Variants in MAP4K1 observed in about 807,000 individuals in gnomAD.
MAP4K1 encodes the protein MAPK/ERK kinase kinase kinase 1.
A neutral mutation model predicts 122.8 loss-of-function variants in MAP4K1; 35 were observed. That is an observed-to-expected ratio of 0.29 (90% CI 0.22 to 0.38). The LOEUF is 0.38. Among genes scored for constraint, MAP4K1 ranks in the 10% least tolerant of loss-of-function variants. MAP4K1 has a pLI of 1.00. For synonymous variants in MAP4K1, 412 were observed against 421.3 expected (o/e 0.98, Z 0.27); for missense variants, 791 against 1,072.6 (o/e 0.74, Z 3.67).
intron 19 of MAP4K1, among the ~76,000 whole-genome samples, chr19:38,603,367 CAT>C (rs1306889057): frequency 1.6e-4 from 24 of 150,308 alleles, no homozygotes; most frequent in East Asian, 6.0e-4. Context: ...TATATACACA[CAT>C]ATACATATAT....
chr19:38,610,614 G>A (rs1975469304), intron 11 of MAP4K1, among the ~76,000 whole-genome samples: 1 of 152,054 alleles, frequency 6.6e-6, no homozygotes, highest in Non-Finnish European at 1.5e-5. Flanking sequence ...TCAAACTCCT[G>A]ACCTCAAGTG....
chr19:38,611,130 G>A lies in MAP4K1; in HGVS notation c.731C>T (p.Ser244Leu), dbSNP rs1198038848. Reference sequence around the variant, plus strand: ...TTTGATGAAGTTGTGGAAGGCAGCCGACCTTGGGAAGAAGAAGCCAGGTTC... The same window carrying A: ...TTTGATGAAGTTGTGGAAGGCAGCCAACCTTGGGAAGAAGAAGCCAGGTTC... ...PPRLKEKGKWSAAFHNFIKVT... is the reference protein window; with the variant it reads ...PPRLKEKGKWLAAFHNFIKVT... The change falls in exon 11 of 31, where the codon TCG (serine) becomes TTG (leucine). Residue 244 changes from serine to leucine, a missense_variant and splice_region_variant. By Grantham distance (145) the Ser-to-Leu change is moderately radical. Around this residue, in one of 4 missense-constraint regions of MAP4K1, gnomAD observed 303 missense variants for 344.8 expected, o/e 0.88. Coordinates refer to ENST00000396857, the MANE Select transcript of MAP4K1 (RefSeq NM_001042600.3). The A allele has an allele frequency of 2.5e-6, 4 of 1,613,264 alleles. No individual in the cohort carries two copies. Among genetic ancestry groups the A allele is most frequent in the African/African-American group, 1.3e-5 (1 of 74,870 alleles).
At chr19:38,593,163 A>AG in intron 30 of MAP4K1, 119 bp downstream of exon 30, 3 of 867,994 alleles carry the variant, frequency 3.5e-6, no homozygotes, top group Non-Finnish European at 1.7e-6. Context: ...GGATGGAAGC[A>AG]GGGTGACCAG....
Position 38,617,249 on chromosome 19 carries a change from AG to A in MAP4K1, c.248+104del. The A allele has an allele frequency of 1.2e-6, 1 of 805,592 alleles. No homozygotes were observed. The highest frequency in any genetic ancestry group is 1.4e-5 in the South Asian group (1 of 69,104). 49.9% of individuals were successfully genotyped at this position (805,592 alleles called of 1,614,324 possible). A position where few individuals can be genotyped will look rare whatever the true frequency, so the allele number is the denominator to read the frequency against. ...ACAGAACAAGACTCCATCTCAAAAA[AG>A]AAAAAGAAAAGAAAAAAAAAGAACT... On this transcript the variant is annotated intron_variant, in intron 3 of 30. Transcript: ENST00000396857. This position sits in a 1 kb window ranked among gnomAD's most constrained non-coding sequence, Gnocchi z 4.1.
At chr19:38,588,945 T>C (rs1274076858) in intron 30 of MAP4K1, among the ~76,000 whole-genome samples, 1 of 149,566 alleles carries the variant, frequency 6.7e-6, no homozygotes, top group Non-Finnish European at 1.5e-5. Flanking sequence ...ATAATGACAG[T>C]AATAGACTAT....
intron 25 of MAP4K1, 51 bp downstream of exon 25, chr19:38,596,983 G>A: frequency 6.5e-7 from 1 of 1,533,720 alleles, no homozygotes; most frequent in Non-Finnish European, 9.0e-7. Context: ...AGGGTGCAAG[G>A]CCTTAGCCAC....
chr19:38,599,029 A>C lies in MAP4K1; in HGVS notation c.1669+896T>G, dbSNP rs563167570. Among the ~76,000 whole-genome samples the C allele has an allele frequency of 1.2e-3, 172 of 147,332 alleles. 3 individuals carry two copies. The East Asian group carries it at 0.031, about 26-fold the overall frequency. ...GTCTATCTCAAAAAAAAAAAAAAAA[A>C]AAAAAAGGACTAATTTAGGCCAGGT... is the stretch of plus-strand genomic sequence containing the variant. On this transcript the variant is annotated intron_variant, in intron 22 of 30. Transcript: ENST00000396857.
chr19:38,607,826 G>A, intron 16 of MAP4K1, 38 bp downstream of exon 16: 1 of 1,604,862 alleles, frequency 6.2e-7, no homozygotes, highest in Non-Finnish European at 8.5e-7. Context: ...TGGGGGCTGA[G>A]GTGGGGCCTG....
chr19:38,599,240 C>T (rs953355156), intron 22 of MAP4K1, among the ~76,000 whole-genome samples: 5 of 146,706 alleles, frequency 3.4e-5, no homozygotes, highest in African/African-American at 5.1e-5. Flanking sequence ...ACCAGCTACT[C>T]GGGAGGCTGA....
rs758041245 is a variant in MAP4K1, at chr19:38,607,926, G to C, written c.1110-15C>G. 6.2e-6 allele frequency: 10 copies of C among 1,612,476 alleles called. No homozygotes were observed. Among genetic ancestry groups the C allele is most frequent in the Non-Finnish European group, 4.2e-6 (5 of 1,179,372 alleles). On this transcript the variant is annotated splice_polypyrimidine_tract_variant and intron_variant, in intron 15 of 30. Transcript: ENST00000396857. Reference sequence around the variant, plus strand: ...ACAGTTGCTTCCTGAAGGGTGACAGGTATGAGCCTTGGGGGCCTTGTCCAC... The same window carrying C: ...ACAGTTGCTTCCTGAAGGGTGACAGCTATGAGCCTTGGGGGCCTTGTCCAC...
chr19:38,588,464 G>A (rs950387483), intron 30 of MAP4K1, among the ~76,000 whole-genome samples: 1 of 152,052 alleles, frequency 6.6e-6, no homozygotes, highest in African/African-American at 2.4e-5. Context: ...GCCAAGGGGG[G>A]CAGATCACTT....
chr19:38,608,197 G>A (rs1283918877), intron 13 of MAP4K1, 27 bp from the exon 14 acceptor site: 9 of 1,373,936 alleles, frequency 6.6e-6, no homozygotes, highest in African/African-American at 1.5e-5. Flanking sequence ...AAGATAACCT[G>A]CTGTGAGCTG....
At chr19:38,606,817 C>G (rs1975342558) in intron 16 of MAP4K1, among the ~76,000 whole-genome samples, 1 of 152,242 alleles carries the variant, frequency 6.6e-6, no homozygotes, top group South Asian at 2.1e-4. Context: ...CAGGTGACAT[C>G]AGCGCCGTGG....
rs749953706 is a variant in MAP4K1 at position 38,587,701 on chromosome 19, A to G, written c.*47T>C. 9.2e-6 allele frequency: 13 copies of G among 1,407,130 alleles called. No homozygotes were observed. The highest frequency in any genetic ancestry group is 6.9e-5 in the South Asian group (6 of 86,670). 87.2% of individuals were successfully genotyped at this position (1,407,130 alleles called of 1,614,324 possible). A position where few individuals can be genotyped will look rare whatever the true frequency, so the allele number is the denominator to read the frequency against. On this transcript the variant is annotated 3_prime_UTR_variant, in exon 31 of 31. Transcript: ENST00000396857. ...ACATGCCATGACCACTAGTGTGTCT[A>G]TGGGGGAGGGGGTGCAAGGACTAGT...
intron 19 of MAP4K1, among the ~76,000 whole-genome samples, chr19:38,604,747 G>A (rs1975273606): frequency 6.7e-6 from 1 of 148,582 alleles, no homozygotes; most frequent in Admixed American, 6.8e-5. Flanking sequence ...CCGAGATCGC[G>A]CCACTGCACT....
Position 38,614,570 on chromosome 19 carries a change from G to C in MAP4K1, c.314-125C>G. On this transcript the variant is annotated intron_variant, in intron 4 of 30. Transcript: ENST00000396857. ...GGAGAGGGGAAATAGGATAGGACCAGTGGGAGGGGGAGATGGTGGGGTGGT... is the reference window on the plus strand; with the variant it reads ...GGAGAGGGGAAATAGGATAGGACCACTGGGAGGGGGAGATGGTGGGGTGGT... The C allele has an allele frequency of 7.2e-6, 7 of 978,596 alleles. No homozygotes were observed. The South Asian group carries it at 9.3e-5, about 13-fold the overall frequency. 60.6% of individuals were successfully genotyped at this position (978,596 alleles called of 1,614,324 possible).
intron 14 of MAP4K1, 28 bp from the exon 15 acceptor site, chr19:38,608,061 G>T (rs1975382753): frequency 6.3e-7 from 1 of 1,578,178 alleles, no homozygotes; most frequent in Non-Finnish European, 8.6e-7. Flanking sequence ...GGTCAGCAGT[G>T]GCCTCAGGGA....
At chr19:38,590,388 AAAAAAAATATATATATATAT>A (rs1230376068) in intron 30 of MAP4K1, among the ~76,000 whole-genome samples, 25 of 48,796 alleles carry the variant, frequency 5.1e-4, no homozygotes, top group Middle Eastern at 0.014. Flanking sequence ...AAAAAAAAAA[AAAAAAAATATATATATATAT>A]ATATATATAT....
At position 38,596,304 on chromosome 19, in the gene MAP4K1, C is replaced by G; in HGVS notation, c.2116+8G>C. 1 of 1,555,710 alleles carries G rather than the reference C, an allele frequency of 6.4e-7. No homozygotes were observed. Among genetic ancestry groups the G allele is most frequent in the Non-Finnish European group, 8.7e-7 (1 of 1,148,722 alleles). ...GCCCCGCCCTCAGCAAGACTCCGCCCCACTCACCGGTGCTCATCTCGCCCA... is the reference window on the plus strand; with the variant it reads ...GCCCCGCCCTCAGCAAGACTCCGCCGCACTCACCGGTGCTCATCTCGCCCA... On this transcript the variant is annotated splice_region_variant and intron_variant, in intron 26 of 30. Coordinates refer to ENST00000396857, the MANE Select transcript of MAP4K1 (RefSeq NM_001042600.3).
Sources: allele counts gnomAD v4.1 joint callset (sites outside exome capture counted in the v4.1 genomes callset), GRCh38; gene constraint gnomAD v4.1.1; regional missense constraint gnomAD v4.1.1; non-coding constraint Gnocchi (gnomAD v3.1); transcripts MANE v1.5; gene names NCBI Gene and HGNC (gene_info 2026-07-23, HGNC 2026-07-21).